SLC27A6: variants seen among roughly 807,000 people sequenced by gnomAD.
SLC27A6 encodes solute carrier family 27 member 6, also known as long-chain fatty acid transport protein 6.
A neutral mutation model predicts 63.9 loss-of-function variants in SLC27A6; 74 were observed. The ratio of observed to expected loss-of-function variants is 1.16; its 90% CI spans 0.96 to 1.40. SLC27A6 has a LOEUF of 1.40. SLC27A6 is among the 40% of genes most tolerant of loss of function. The pLI, the probability that SLC27A6 is intolerant of heterozygous loss-of-function variation, is 0.00. For synonymous variants in SLC27A6, 287 were observed against 260.8 expected, an observed-to-expected ratio of 1.10 and a Z score of -0.97; for missense variants, 794 against 732.9, an observed-to-expected ratio of 1.08 and a Z score of -0.96.
At chr5:128,974,212 A>G (rs182907188) in intron 1 of SLC27A6, among the ~76,000 whole-genome samples, 1 of 152,276 alleles carries the variant, frequency 6.6e-6, no homozygotes, top group Admixed American at 6.5e-5. Flanking sequence ...TTGCAGTTTT[A>G]CTTGTGCCAG....
At chr5:128,967,927 A>G (rs996916251) in intron 1 of SLC27A6, among the ~76,000 whole-genome samples, 3 of 151,358 alleles carry the variant, frequency 2.0e-5, no homozygotes, top group Non-Finnish European at 4.4e-5. Context: ...CCACCCCACG[A>G]CAGGCCCTGG....
intron 5 of SLC27A6, 23 bp from the exon 6 acceptor site, chr5:129,023,597 T>A: frequency 6.6e-7 from 1 of 1,523,280 alleles, no homozygotes; most frequent in Non-Finnish European, 8.9e-7. Flanking sequence ...TTGTTTCTAT[T>A]TGTTTGATTT....
intron 4 of SLC27A6, among the ~76,000 whole-genome samples, chr5:129,012,893 A>C (rs1200842974): frequency 6.6e-6 from 1 of 151,706 alleles, no homozygotes; most frequent in African/African-American, 2.4e-5. Context: ...GCATTCTAAA[A>C]GTTTTTTTTT....
intron 9 of SLC27A6, among the ~76,000 whole-genome samples, chr5:129,031,208 G>A (rs1752405097): frequency 6.6e-6 from 1 of 151,974 alleles, no homozygotes; most frequent in Non-Finnish European, 1.5e-5. Flanking sequence ...ATGTTTATTA[G>A]AGTATTCACT....
At chr5:129,015,794 G>A (rs1287308255) in intron 4 of SLC27A6, 91 bp from the exon 5 acceptor site, 2 of 911,476 alleles carry the variant, frequency 2.2e-6, no homozygotes, top group East Asian at 2.7e-5. Context: ...CACATATGCA[G>A]TTTACGTCTA....
intron 2 of SLC27A6, among the ~76,000 whole-genome samples, chr5:128,985,540 A>G (rs1206894768): frequency 6.6e-6 from 1 of 152,158 alleles, no homozygotes; most frequent in African/African-American, 2.4e-5. Context: ...CATTGTGTTC[A>G]TTTGGCATTT....
chr5:128,966,281 A>G lies in SLC27A6; in HGVS notation c.144A>G (p.Glu48=), dbSNP rs369424070. ...VLIIIRLKKY[E]KRGELVTVLD... is the part of the protein sequence containing the mutation. ...TTATAATTCGGCTGAAGAAGTATGAAAAGAGAGGGGAGCTGGTGACTGTGC... is the reference window on the plus strand; with the variant it reads ...TTATAATTCGGCTGAAGAAGTATGAGAAGAGAGGGGAGCTGGTGACTGTGC... Residue 48 remains glutamate, a synonymous_variant, in exon 1 of 10, where the codon GAA becomes GAG. Transcript: ENST00000262462. 5 of 1,613,836 alleles carry G rather than the reference A, an allele frequency of 3.1e-6. No homozygotes were observed. Among genetic ancestry groups the G allele is most frequent in the Non-Finnish European group, 4.2e-6 (5 of 1,179,928 alleles).
chr5:128,971,951 A>C (rs1750182343), intron 1 of SLC27A6, among the ~76,000 whole-genome samples: 1 of 152,128 alleles, frequency 6.6e-6, no homozygotes, highest in Non-Finnish European at 1.5e-5. Flanking sequence ...CTTGTAAGGC[A>C]GGCCTGGTGG....
intron 1 of SLC27A6, among the ~76,000 whole-genome samples, chr5:128,971,323 T>C (rs36155285): frequency 0.24 from 36,488 of 151,754 alleles, 4,932 homozygotes; most frequent in Middle Eastern, 0.33. Flanking sequence ...TGTTAACTTT[T>C]GGTCTCATTG....
rs1017303188 is a variant in SLC27A6 at position 128,988,897 on chromosome 5, TA to T, written c.844+146del. 9 of 613,062 alleles carry T rather than the reference TA, an allele frequency of 1.5e-5. No individual in the cohort carries two copies. In the Admixed American group the frequency reaches 2.7e-4, roughly 18 times the overall value. The allele number at this position is 613,062 out of a possible 1,614,324, so 38.0% of individuals were successfully genotyped here. ...TTTTATTATAACACAATATTTATTT[TA>T]AAAAAACTACACAATTTTATGGCAT... On this transcript the variant is annotated intron_variant, in intron 3 of 9. Transcript: ENST00000262462.
At chr5:128,981,440 C>T (rs1750582066) in intron 1 of SLC27A6, among the ~76,000 whole-genome samples, 2 of 150,370 alleles carry the variant, frequency 1.3e-5, no homozygotes, top group Non-Finnish European at 3.0e-5. Flanking sequence ...GAGTTTGGGC[C>T]ACTGCACTCT....
intron 1 of SLC27A6, among the ~76,000 whole-genome samples, chr5:128,981,295 C>A (rs1750576576): frequency 6.6e-6 from 1 of 151,922 alleles, no homozygotes; most frequent in Non-Finnish European, 1.5e-5. Flanking sequence ...GCCTGGCCAA[C>A]ATGGTAAAAA....
intron 4 of SLC27A6, among the ~76,000 whole-genome samples, chr5:129,010,047 C>A (rs1317594629): frequency 1.3e-5 from 2 of 152,178 alleles, no homozygotes; most frequent in Non-Finnish European, 2.9e-5. Flanking sequence ...AAAGGCGTCC[C>A]TGCTAACGTG....
At chr5:129,004,030 T>A (rs1165417030) in intron 4 of SLC27A6, among the ~76,000 whole-genome samples, 4 of 151,674 alleles carry the variant, frequency 2.6e-5, no homozygotes, top group African/African-American at 9.7e-5. Flanking sequence ...GTGAGCTTTC[T>A]GAGAACTCAG....
intron 1 of SLC27A6, among the ~76,000 whole-genome samples, chr5:128,978,303 A>G (rs903363420): frequency 2.0e-5 from 3 of 152,212 alleles, no homozygotes; most frequent in African/African-American, 7.2e-5. Flanking sequence ...ACTATATAGT[A>G]TAGAGACCAT....
chr5:129,023,455 T>G (rs1752137762), intron 5 of SLC27A6, among the ~76,000 whole-genome samples, 165 bp from the exon 6 acceptor site: 1 of 152,152 alleles, frequency 6.6e-6, no homozygotes, highest in African/African-American at 2.4e-5. Context: ...TTTTTAAATA[T>G]TTATTTAATT....
Position 129,027,249 on chromosome 5 carries a change from G to T in SLC27A6, c.1372G>T (p.Val458Phe), listed in dbSNP as rs376654449. ...TTGTGATGTTTTTAAGAAGGGAGAT[G>T]TTTACCTTAATACTGGAGACTTAAT... is the stretch of plus-strand genomic sequence containing the variant. ...LLCDVFKKGD[V>F]YLNTGDLIVQ... Residue 458 changes from valine (V) to phenylalanine (F), a missense_variant, in exon 7 of 10, where the codon GTT (valine) becomes TTT (phenylalanine). Val to Phe is a conservative substitution (Grantham distance 50). Transcript: ENST00000262462. The T allele has an allele frequency of 1.9e-5, 30 of 1,613,218 alleles. No individual in the cohort carries two copies. Among genetic ancestry groups the T allele is most frequent in the Non-Finnish European group, 2.5e-5 (30 of 1,179,314 alleles).
At chr5:128,967,535 T>A (rs1029343527) in intron 1 of SLC27A6, among the ~76,000 whole-genome samples, 1 of 152,160 alleles carries the variant, frequency 6.6e-6, no homozygotes, top group Non-Finnish European at 1.5e-5. Context: ...TATAAAGTTT[T>A]TAAACTCACA....
chr5:129,026,926 A>G (rs1439287534), intron 6 of SLC27A6, among the ~76,000 whole-genome samples: 1 of 152,106 alleles, frequency 6.6e-6, no homozygotes, highest in African/African-American at 2.4e-5. Flanking sequence ...TAGTTTTTCC[A>G]AAGTAATTTG....
Sources: gnomAD v4.1 joint callset for allele counts (sites outside exome capture counted in the v4.1 genomes callset) on GRCh38, gnomAD v4.1.1 for gene constraint, MANE v1.5 for transcripts, NCBI Gene and HGNC (gene_info 2026-07-23, HGNC 2026-07-21) for gene names.